The following ITK variants were observed in gnomAD, a reference collection of about 807,000 sequenced individuals.
ITK encodes IL2 inducible T cell kinase, also known as tyrosine-protein kinase ITK/TSK.
In ITK, 45 loss-of-function variants were observed where a neutral mutation model predicts 87.6. That is an observed-to-expected ratio of 0.51 (90% CI 0.40 to 0.66). The LOEUF (loss-of-function observed/expected upper bound fraction) is 0.66. Ranked by LOEUF, ITK falls within the 30% of genes least tolerant of loss-of-function variation. The pLI, the probability that ITK is intolerant of heterozygous loss-of-function variation, is 0.00. For missense variants in ITK, 605 were observed against 766.3 expected (o/e 0.79, Z 2.48); for synonymous variants, 303 against 273.6 (o/e 1.11, Z -1.06).
At chr5:157,188,760 T>C (rs1252299044) in intron 1 of ITK, among the ~76,000 whole-genome samples, 1 of 152,186 alleles carries the variant, frequency 6.6e-6, no homozygotes, top group African/African-American at 2.4e-5. Context: ...CAGAAGTGCA[T>C]CACCACGCCT....
chr5:157,244,258 C>T lies in ITK; in HGVS notation c.1233-4C>T. On this transcript the variant is annotated splice_polypyrimidine_tract_variant and splice_region_variant and intron_variant, in intron 12 of 16. Transcript: ENST00000422843. ...CCATCTCACCCCTTGTCTTTTTCCT[C>T]CAGGAAACTCTCTCATCCCAAACTG... The T allele has an allele frequency of 6.2e-7, 1 of 1,613,716 alleles. No homozygotes were observed. Among genetic ancestry groups the T allele is most frequent in the South Asian group, 1.1e-5 (1 of 91,064 alleles).
At chr5:157,192,343 C>T (rs978688826) in intron 1 of ITK, among the ~76,000 whole-genome samples, 17 of 152,200 alleles carry the variant, frequency 1.1e-4, no homozygotes, top group Admixed American at 9.8e-4. Context: ...GGTCATGAAA[C>T]ACCTTATCAA....
At chr5:157,223,804 A>G (rs1754476833) in intron 6 of ITK, among the ~76,000 whole-genome samples, 1 of 152,220 alleles carries the variant, frequency 6.6e-6, no homozygotes, top group Non-Finnish European at 1.5e-5. Context: ...ACATCTTTGT[A>G]TATTAATATT....
chr5:157,190,268 G>C (rs59335438), intron 1 of ITK, among the ~76,000 whole-genome samples: 2 of 151,996 alleles, frequency 1.3e-5, no homozygotes, highest in East Asian at 1.9e-4. Context: ...CAACTATAGG[G>C]ATTTTTCCCC....
At chr5:157,214,814 A>C (rs2113756176) in intron 4 of ITK, among the ~76,000 whole-genome samples, 1 of 152,314 alleles carries the variant, frequency 6.6e-6, no homozygotes, top group African/African-American at 2.4e-5. Context: ...CTATACCCTT[A>C]AAGGTGAGAG....
At chr5:157,233,301 CT>C (rs891956240) in intron 8 of ITK, among the ~76,000 whole-genome samples, 1 of 152,148 alleles carries the variant, frequency 6.6e-6, no homozygotes, top group Non-Finnish European at 1.5e-5. Flanking sequence ...GGCATTGGGA[CT>C]TTATTGGGAA....
rs1284270007 is a variant in ITK at position 157,212,505 on chromosome 5, A to G, written c.325+1137A>G. On this transcript the variant is annotated intron_variant, in intron 3 of 16. Transcript: ENST00000422843. ...CTCCGTTCTTACAGTCTTGGGACATACAGCAAACACAAAAGTAAGAAGTAA... is the reference window on the plus strand; with the variant it reads ...CTCCGTTCTTACAGTCTTGGGACATGCAGCAAACACAAAAGTAAGAAGTAA... Among the ~76,000 whole-genome samples, 11 of 152,198 alleles carry G rather than the reference A, an allele frequency of 7.2e-5. No homozygotes were observed. In the East Asian group the frequency reaches 2.1e-3, roughly 29 times the overall value.
At chr5:157,231,938 C>T (rs1754665177) in intron 7 of ITK, among the ~76,000 whole-genome samples, 1 of 152,188 alleles carries the variant, frequency 6.6e-6, no homozygotes, top group African/African-American at 2.4e-5. Context: ...AACGAACTGT[C>T]TACTGACTTA....
At chr5:157,223,838 A>G (rs1362732490) in intron 6 of ITK, among the ~76,000 whole-genome samples, 1 of 152,238 alleles carries the variant, frequency 6.6e-6, no homozygotes, top group Non-Finnish European at 1.5e-5. Context: ...TTTTCAAGGT[A>G]TGAGGTTATT....
At chr5:157,232,620 A>C (rs552959640) in intron 8 of ITK, among the ~76,000 whole-genome samples, 23 of 152,238 alleles carry the variant, frequency 1.5e-4, no homozygotes, top group African/African-American at 5.1e-4. Flanking sequence ...GGAGGGAAGA[A>C]AGGTAAAAAT....
rs1422605762 is a variant in ITK, at chr5:157,253,895, CT to C, written c.*1218del. 4.5e-6 allele frequency: 1 copy of C among 222,810 alleles called. No homozygotes were observed. The highest frequency in any genetic ancestry group is 9.0e-6 in the Non-Finnish European group (1 of 111,596). The allele number at this position is 222,810 out of a possible 1,614,324, so 13.8% of individuals were successfully genotyped here. ...CTTCTATATGCAAGGTGAATATGTA[CT>C]GAGCTAGGAGACTTCCCTGCAAAAT... On this transcript the variant is annotated 3_prime_UTR_variant, in exon 17 of 17. Transcript: ENST00000422843.
intron 1 of ITK, among the ~76,000 whole-genome samples, chr5:157,184,456 C>A (rs575747005): frequency 4.6e-5 from 7 of 152,156 alleles, no homozygotes; most frequent in Non-Finnish European, 8.8e-5. Context: ...GAGGTAGCCA[C>A]CAACTAAACA....
chr5:157,238,713 G>A (rs956705181), intron 9 of ITK, among the ~76,000 whole-genome samples: 12 of 152,172 alleles, frequency 7.9e-5, no homozygotes, highest in African/African-American at 1.9e-4. Context: ...CCCTATGGCC[G>A]TGGGTCTGAA....
chr5:157,182,444 A>G (rs972203620), intron 1 of ITK, among the ~76,000 whole-genome samples: 1 of 152,118 alleles, frequency 6.6e-6, no homozygotes, highest in Non-Finnish European at 1.5e-5. Flanking sequence ...AGAAAACAAA[A>G]AAGTTGCAGG....
chr5:157,207,486 T>C (rs528610848), intron 1 of ITK, among the ~76,000 whole-genome samples: 18 of 138,422 alleles, frequency 1.3e-4, no homozygotes, highest in Non-Finnish European at 2.6e-4. Flanking sequence ...ATTCACGCCA[T>C]TCTCCTGCCT....
Position 157,254,298 on chromosome 5 carries a change from T to A in ITK, c.*1620T>A. ...ATTCTGTATCCTTACCTTGGTCATG[T>A]TAATGACTTTGGAGTTATTCAGTTA... On this transcript the variant is annotated 3_prime_UTR_variant, in exon 17 of 17. Coordinates refer to ENST00000422843, the MANE Select transcript of ITK (RefSeq NM_005546.4). The A allele has an allele frequency of 4.4e-6, 1 of 227,870 alleles. No homozygotes were observed. 14.1% of individuals were successfully genotyped at this position (227,870 alleles called of 1,614,324 possible).
chr5:157,228,703 C>T (rs563313240), intron 7 of ITK, among the ~76,000 whole-genome samples: 6 of 150,774 alleles, frequency 4.0e-5, no homozygotes, highest in Non-Finnish European at 5.9e-5. Context: ...AGTGTGATCT[C>T]GGCTCATCGC....
At position 157,222,999 on chromosome 5, in the gene ITK, T is replaced by G; in HGVS notation, c.632T>G (p.Val211Gly). ...AGTTCTGAGATTCACTGGTGGAGAGTCCAGGACAGGAATGGGTAAGTCATC... is the reference window on the plus strand; with the variant it reads ...AGTTCTGAGATTCACTGGTGGAGAGGCCAGGACAGGAATGGGTAAGTCATC... ...LDSSEIHWWR[V>G]QDRNGHEGYV... Residue 211 changes from valine to glycine, a missense_variant, in exon 6 of 17, where the codon GTC (valine) becomes GGC (glycine). By Grantham distance (109) the Val-to-Gly change is moderately radical. Around this residue, in one of 3 missense-constraint regions of ITK, gnomAD observed 464 missense variants for 578.0 expected, o/e 0.80. Transcript: ENST00000422843. The G allele has an allele frequency of 1.9e-6, 3 of 1,613,502 alleles. No individual in the cohort carries two copies. The highest frequency in any genetic ancestry group is 2.5e-6 in the Non-Finnish European group (3 of 1,179,916).
chr5:157,242,060 C>T (rs1432913273), intron 11 of ITK, among the ~76,000 whole-genome samples: 2 of 152,210 alleles, frequency 1.3e-5, no homozygotes, highest in East Asian at 3.8e-4. Flanking sequence ...TTCCACCTAT[C>T]TTCTAGAACT....
Sources: gnomAD v4.1 joint callset for allele counts (sites outside exome capture counted in the v4.1 genomes callset) on GRCh38, gnomAD v4.1.1 for gene constraint, gnomAD v4.1.1 regional missense constraint, MANE v1.5 for transcripts, NCBI Gene and HGNC (gene_info 2026-07-23, HGNC 2026-07-21) for gene names.